Variants in LIMS2 observed in about 807,000 individuals in gnomAD.
The protein encoded by LIMS2 is LIM zinc finger domain containing 2, also known as LIM and senescent cell antigen-like-containing domain protein 2.
In LIMS2, 30 loss-of-function variants were observed where a neutral mutation model predicts 45.3. The ratio of observed to expected loss-of-function variants is 0.66; its 90% CI spans 0.50 to 0.90. LIMS2 has a LOEUF of 0.90. LIMS2 is among the 40% of genes least tolerant of loss of function. The pLI is 0.00. For missense variants in LIMS2, 485 were observed against 468.7 expected, an observed-to-expected ratio of 1.03 and a Z score of -0.32; for synonymous variants, 173 against 188.0, an observed-to-expected ratio of 0.92 and a Z score of 0.65.
At chr2:127,678,355 C>T (rs1306750762), upstream of LIMS2, among the ~76,000 whole-genome samples, 1 of 152,020 alleles carries the variant, frequency 6.6e-6, no homozygotes, top group African/African-American at 2.4e-5. This position sits in a 1 kb window ranked among gnomAD's most constrained non-coding sequence, Gnocchi z 5.3. Flanking sequence ...GAGTCTACGA[C>T]GATATTAATG....
intron 4 of LIMS2, among the ~76,000 whole-genome samples, chr2:127,652,922 A>C (rs573958051): frequency 3.3e-5 from 5 of 152,182 alleles, no homozygotes; most frequent in Non-Finnish European, 7.3e-5. Context: ...AGCATCTTTC[A>C]GATTTCCCCA....
intron 1 of LIMS2, among the ~76,000 whole-genome samples, chr2:127,660,964 T>C (rs1307829662): frequency 6.6e-6 from 1 of 152,192 alleles, no homozygotes; most frequent in Non-Finnish European, 1.5e-5. Flanking sequence ...ACCTCCTTCC[T>C]GTGCCCAGGG....
intron 1 of LIMS2, among the ~76,000 whole-genome samples, chr2:127,657,950 G>C (rs1233877553): frequency 6.6e-6 from 1 of 152,220 alleles, no homozygotes; most frequent in Non-Finnish European, 1.5e-5. Context: ...TGAGTAACTT[G>C]CCCAAGCTCA....
At chr2:127,676,816 C>T (rs531998799), upstream of LIMS2, among the ~76,000 whole-genome samples, 4 of 152,276 alleles carry the variant, frequency 2.6e-5, no homozygotes, top group South Asian at 8.3e-4. Flanking sequence ...TGTAGGCATG[C>T]TGGGGCCGTG....
At chr2:127,678,184 G>A (rs182628098), upstream of LIMS2, among the ~76,000 whole-genome samples, 64 of 152,246 alleles carry the variant, frequency 4.2e-4, no homozygotes, top group African/African-American at 1.5e-3. The surrounding 1 kb of genome is among the most constrained non-coding windows in gnomAD (Gnocchi z 5.3). Context: ...GTGGATCCCC[G>A]TAGTCCCAGC....
At chr2:127,644,638 G>T (rs536370705) in intron 4 of LIMS2, among the ~76,000 whole-genome samples, 11 of 152,340 alleles carry the variant, frequency 7.2e-5, no homozygotes, top group East Asian at 3.9e-4. Context: ...AACCCACGAG[G>T]AATTATTTCT....
At chr2:127,677,907 G>A (rs1045722159), upstream of LIMS2, among the ~76,000 whole-genome samples, 5 of 152,224 alleles carry the variant, frequency 3.3e-5, no homozygotes, top group Admixed American at 6.5e-5. This position sits in a 1 kb window ranked among gnomAD's most constrained non-coding sequence, Gnocchi z 5.0. Context: ...GACTAGGAAG[G>A]AATGTGAGGG....
At chr2:127,669,534 T>C (rs1432893179) in intron 1 of LIMS2, among the ~76,000 whole-genome samples, 1 of 151,530 alleles carries the variant, frequency 6.6e-6, no homozygotes, top group East Asian at 1.9e-4. Context: ...GCCAACATGG[T>C]GAAACCCCAT....
rs1290762241 is a variant in LIMS2 at position 127,647,232 on chromosome 2, G to A, written c.360-4160C>T. Among the ~76,000 whole-genome samples, 3 of 152,176 alleles carry A rather than the reference G, an allele frequency of 2.0e-5. No individual in the cohort carries two copies. The highest frequency in any genetic ancestry group is 4.4e-5 in the Non-Finnish European group (3 of 68,014). On this transcript the variant is annotated intron_variant, in intron 4 of 9. Transcript: ENST00000355119. This position sits in a 1 kb window ranked among gnomAD's most constrained non-coding sequence, Gnocchi z 4.3. ...ATACATGGGCCCCTAAAATGAGGGAGTGGCCCCAGGGCCAGGAGGGGGTGC... is the reference window on the plus strand; with the variant it reads ...ATACATGGGCCCCTAAAATGAGGGAATGGCCCCAGGGCCAGGAGGGGGTGC...
intron 6 of LIMS2, chr2:127,641,697 A>T: frequency 4.6e-6 from 1 of 218,768 alleles, no homozygotes; most frequent in African/African-American, 2.3e-5. Context: ...CCGTGTCTGC[A>T]CAGGGCTGTC....
intron 1 of LIMS2, among the ~76,000 whole-genome samples, chr2:127,666,020 AG>A (rs957508393): frequency 1.3e-5 from 2 of 152,220 alleles, no homozygotes; most frequent in African/African-American, 4.8e-5. Context: ...AGTCTGATTG[AG>A]CCCAAATCCC....
At chr2:127,656,657 C>T (rs1342993685) in intron 2 of LIMS2, among the ~76,000 whole-genome samples, 1 of 152,178 alleles carries the variant, frequency 6.6e-6, no homozygotes, top group Non-Finnish European at 1.5e-5. Context: ...TCAGGTGATC[C>T]ATCTGCCTCC....
intron 4 of LIMS2, chr2:127,650,638 C>T (rs1683648759): frequency 2.0e-6 from 2 of 1,015,560 alleles, no homozygotes; most frequent in African/African-American, 1.6e-5. Flanking sequence ...GCATTGGAGG[C>T]CTGACTTCTG....
intron 1 of LIMS2, among the ~76,000 whole-genome samples, chr2:127,669,535 G>A (rs557927790): frequency 1.3e-5 from 2 of 152,100 alleles, no homozygotes; most frequent in South Asian, 2.1e-4. Flanking sequence ...CCAACATGGT[G>A]AAACCCCATC....
intron 4 of LIMS2, chr2:127,650,049 C>T (rs768890223): frequency 7.5e-6 from 12 of 1,608,368 alleles, no homozygotes; most frequent in South Asian, 1.1e-5. Context: ...TCCAGAAAGC[C>T]CCCAAGAGAG....
chr2:127,664,394 G>T lies in LIMS2; in HGVS notation c.12-6832C>A. On this transcript the variant is annotated intron_variant, in intron 1 of 9. Coordinates refer to ENST00000355119, the MANE Select transcript of LIMS2 (RefSeq NM_001161403.3). This position sits in a 1 kb window ranked among gnomAD's most constrained non-coding sequence, Gnocchi z 5.5. ...GCACCCAGCCGGGCCGCCATGGCGC[G>T]GGGCAGCCGCCTTGAGGTCGCGGGC... 1 of 1,204,258 alleles carries T rather than the reference G, an allele frequency of 8.3e-7. No homozygotes were observed. Among genetic ancestry groups the T allele is most frequent in the South Asian group, 4.2e-5 (1 of 24,014 alleles). 74.6% of individuals were successfully genotyped at this position (1,204,258 alleles called of 1,614,324 possible).
chr2:127,678,834 G>A (rs951787442), upstream of LIMS2, among the ~76,000 whole-genome samples: 1 of 152,154 alleles, frequency 6.6e-6, no homozygotes, highest in Non-Finnish European at 1.5e-5. This position sits in a 1 kb window ranked among gnomAD's most constrained non-coding sequence, Gnocchi z 5.3. Flanking sequence ...TCCCAGGGGA[G>A]ATGGTGGGCG....
intron 3 of LIMS2, 31 bp downstream of exon 3, chr2:127,654,799 A>G: frequency 6.2e-7 from 1 of 1,611,026 alleles, no homozygotes; most frequent in South Asian, 1.1e-5. Context: ...CTTCCCAGGC[A>G]GCCCAGGATG....
chr2:127,661,282 A>G (rs1422425245), intron 1 of LIMS2, among the ~76,000 whole-genome samples: 1 of 152,216 alleles, frequency 6.6e-6, no homozygotes, highest in East Asian at 1.9e-4. Context: ...GCACCAGAGA[A>G]ACAGCCACAT....
Sources: gnomAD v4.1 joint callset for allele counts (sites outside exome capture counted in the v4.1 genomes callset) on GRCh38, gnomAD v4.1.1 for gene constraint, Gnocchi (gnomAD v3.1) non-coding constraint, MANE v1.5 for transcripts, NCBI Gene and HGNC (gene_info 2026-07-23, HGNC 2026-07-21) for gene names.